FNDC1: variants seen among roughly 807,000 people sequenced by gnomAD.
The protein encoded by FNDC1 is fibronectin type III domain-containing protein 1.
FNDC1 carries 96 observed loss-of-function variants against 168.0 expected under a neutral mutation model. The ratio of observed to expected loss-of-function variants is 0.57; its 90% CI spans 0.48 to 0.68. The LOEUF is 0.68. Ranked by LOEUF, FNDC1 falls within the 30% of genes least tolerant of loss-of-function variation. The pLI is 0.00. For synonymous variants in FNDC1, 1,099 were observed against 1,025.9 expected (o/e 1.07, Z -1.36); for missense variants, 2,587 against 2,482.1 (o/e 1.04, Z -0.90).
rs59375644 is a variant in FNDC1 at position 159,268,821 on chromosome 6, CATCTATCTATCTATCTATCTATCTATCT to C, written c.5569+911_5569+938del. Among the ~76,000 whole-genome samples, 1,316 of 146,044 alleles carry C rather than the reference CATCTATCTATCTATCTATCTATCTATCT, an allele frequency of 9.0e-3. 15 individuals are homozygous for C. The highest frequency in any genetic ancestry group is 0.026 in the African/African-American group (1,021 of 38,936). ...GTATCTATCTATTCATCTATCTATT[CATCTATCTATCTATCTATCTATCTATCT>C]ATCTATCTATCTATCCATACTGTCT... On this transcript the variant is annotated intron_variant, in intron 22 of 22. Transcript: ENST00000297267.
intron 1 of FNDC1, among the ~76,000 whole-genome samples, chr6:159,172,678 C>T (rs1781685476): frequency 2.0e-5 from 3 of 152,186 alleles, no homozygotes; most frequent in Admixed American, 2.0e-4. Flanking sequence ...GTTCAAAGTG[C>T]ATGATAGCCC....
chr6:159,221,538 G>A, intron 5 of FNDC1, 60 bp from the exon 6 acceptor site: 1 of 1,349,334 alleles, frequency 7.4e-7, no homozygotes, highest in Non-Finnish European at 1.1e-6. Flanking sequence ...CCAGCCCCAG[G>A]GGATGTGTGT....
intron 16 of FNDC1, 26 bp downstream of exon 16, chr6:159,249,208 A>G (rs1442039558): frequency 7.6e-6 from 12 of 1,587,284 alleles, no homozygotes; most frequent in Non-Finnish European, 1.0e-5. Context: ...TTAATCAGAG[A>G]AACATGGGTT....
At chr6:159,216,210 C>T (rs904957828) in intron 5 of FNDC1, among the ~76,000 whole-genome samples, 3 of 152,222 alleles carry the variant, frequency 2.0e-5, no homozygotes, top group African/African-American at 4.8e-5. Flanking sequence ...GATCCACCCA[C>T]CTCAGCCTCC....
chr6:159,262,489 T>C (rs1471315565), intron 19 of FNDC1, among the ~76,000 whole-genome samples: 1 of 152,238 alleles, frequency 6.6e-6, no homozygotes. Context: ...GAGAAAACTA[T>C]TATCTGTGGT....
At chr6:159,179,941 T>G (rs1201600267) in intron 1 of FNDC1, among the ~76,000 whole-genome samples, 1 of 152,164 alleles carries the variant, frequency 6.6e-6, no homozygotes, top group Non-Finnish European at 1.5e-5. Flanking sequence ...AGCCTAACTG[T>G]GTGGTGTCAG....
chr6:159,210,694 T>C (rs912477761), intron 4 of FNDC1, among the ~76,000 whole-genome samples: 1 of 152,130 alleles, frequency 6.6e-6, no homozygotes, highest in African/African-American at 2.4e-5. Flanking sequence ...GGGTGGCGTT[T>C]GCTGGAGCTC....
rs763851174 is a variant in FNDC1, at chr6:159,221,604, A to G, written c.674A>G (p.Glu225Gly). 3 of 1,613,876 alleles carry G rather than the reference A, an allele frequency of 1.9e-6. No individual in the cohort carries two copies. The highest frequency in any genetic ancestry group is 2.5e-6 in the Non-Finnish European group (3 of 1,179,756). ...CTCACTCCCTGGTCCACAGCCTCGGAATCCGTGTATGTGGTCTCCCTGCAG... is the reference window on the plus strand; with the variant it reads ...CTCACTCCCTGGTCCACAGCCTCGGGATCCGTGTATGTGGTCTCCCTGCAG... ...RTHEIKKLAS[E>G]SVYVVSLQSM... Residue 225 changes from glutamate to glycine, a missense_variant, in exon 6 of 23, where the codon GAA becomes GGA. Coordinates refer to ENST00000297267, the MANE Select transcript of FNDC1 (RefSeq NM_032532.3).
intron 4 of FNDC1, among the ~76,000 whole-genome samples, chr6:159,206,887 C>T (rs1026224578): frequency 1.3e-5 from 2 of 152,228 alleles, no homozygotes; most frequent in Non-Finnish European, 2.9e-5. Flanking sequence ...TGCCCCAGAA[C>T]GAGCCCTTCC....
chr6:159,247,222 C>T (rs115757686), intron 15 of FNDC1, among the ~76,000 whole-genome samples: 3,147 of 152,194 alleles, frequency 0.021, 110 homozygotes, highest in African/African-American at 0.072. Flanking sequence ...CTGTGCTCCC[C>T]GTTCCCTCCC....
Position 159,233,038 on chromosome 6 carries a change from G to C in FNDC1, c.2526G>C (p.Arg842=). 2.5e-6 allele frequency: 4 copies of C among 1,611,674 alleles called. No homozygotes were observed. The highest frequency in any genetic ancestry group is 3.4e-6 in the Non-Finnish European group (4 of 1,179,092). Residue 842 remains arginine, a synonymous_variant, in exon 11 of 23, where the codon CGG becomes CGC. Coordinates refer to ENST00000297267, the MANE Select transcript of FNDC1 (RefSeq NM_032532.3). The surrounding 1 kb of genome is among the most constrained non-coding windows in gnomAD (Gnocchi z 4.6). ...PSRFSIGRGP[R]LQPSSSPQST... ...GGTTCAGCATTGGGCGGGGACCTCG[G>C]CTGCAGCCCTCCAGCTCCCCACAGT...
intron 16 of FNDC1, 24 bp from the exon 17 acceptor site, chr6:159,251,278 T>C (rs375519914): frequency 3.2e-5 from 50 of 1,574,530 alleles, no homozygotes; most frequent in Middle Eastern, 3.3e-4. Flanking sequence ...AGCAATCCAA[T>C]TGGTTATCTC....
At chr6:159,252,823 G>A (rs1445415331) in intron 17 of FNDC1, among the ~76,000 whole-genome samples, 2 of 152,194 alleles carry the variant, frequency 1.3e-5, no homozygotes, top group Non-Finnish European at 2.9e-5. Context: ...TTGACCTCTT[G>A]CATAACAGAT....
intron 17 of FNDC1, 79 bp from the exon 18 acceptor site, chr6:159,256,444 A>G (rs1777374826): frequency 9.6e-7 from 1 of 1,044,910 alleles, no homozygotes; most frequent in Non-Finnish European, 1.5e-6. Context: ...TTTGCCTCAC[A>G]CCTGTCCTCA....
intron 1 of FNDC1, among the ~76,000 whole-genome samples, chr6:159,190,977 G>A (rs1782125678): frequency 6.6e-6 from 1 of 152,172 alleles, no homozygotes; most frequent in Admixed American, 6.5e-5. Context: ...TTGACTCACG[G>A]TTCTTCAGGC....
At chr6:159,195,998 A>G (rs1782234665) in intron 1 of FNDC1, among the ~76,000 whole-genome samples, 1 of 152,222 alleles carries the variant, frequency 6.6e-6, no homozygotes, top group Admixed American at 6.5e-5. Context: ...GAAATGTTGG[A>G]TTCCTGGGAA....
rs76829376 is a variant in FNDC1, at chr6:159,184,057, A to G, written c.110-13374A>G. On this transcript the variant is annotated intron_variant, in intron 1 of 22. Transcript: ENST00000297267. Reference sequence around the variant, plus strand: ...ATGGGTCTGAGCTTGACTGTCACTTACTAGATGTGTGCCCTTGGGCAAATC... The same window carrying G: ...ATGGGTCTGAGCTTGACTGTCACTTGCTAGATGTGTGCCCTTGGGCAAATC... Among the ~76,000 whole-genome samples the G allele has an allele frequency of 2.3e-3, 354 of 152,372 alleles. 2 individuals are homozygous for G. The highest frequency in any genetic ancestry group is 7.8e-3 in the African/African-American group (326 of 41,586).
At chr6:159,197,967 C>G (rs1562633710) in intron 2 of FNDC1, among the ~76,000 whole-genome samples, 1 of 152,184 alleles carries the variant, frequency 6.6e-6, no homozygotes, top group East Asian at 1.9e-4. Flanking sequence ...GTGGGCTGAT[C>G]TAGAGACTTC....
Position 159,269,514 on chromosome 6 carries a change from GCATCCATCCATC to G in FNDC1, c.5569+1633_5569+1644del, listed in dbSNP as rs1159382501. On this transcript the variant is annotated intron_variant, in intron 22 of 22. Coordinates refer to ENST00000297267, the MANE Select transcript of FNDC1 (RefSeq NM_032532.3). ...TCTATCTATCTATCCATCCATCCAT[GCATCCATCCATC>G]CATCCATCCATCCATCCATCCATCC... 3.5e-3 allele frequency among the ~76,000 whole-genome samples: 300 copies of G among 86,062 alleles called. 1 individual carries two copies. The highest frequency in any genetic ancestry group is 9.4e-3 in the African/African-American group (215 of 22,766). 56.5% of individuals were successfully genotyped at this position (86,062 alleles called of 152,430 possible).
Sources: gnomAD v4.1 joint callset for allele counts (sites outside exome capture counted in the v4.1 genomes callset) on GRCh38, gnomAD v4.1.1 for gene constraint, Gnocchi (gnomAD v3.1) non-coding constraint, MANE v1.5 for transcripts, NCBI Gene and HGNC (gene_info 2026-07-23, HGNC 2026-07-21) for gene names.